ERC2: variants seen among roughly 807,000 people sequenced by gnomAD.
ERC2 encodes ERC protein 2.
Under a neutral mutation model 114.8 loss-of-function variants are expected in ERC2, and 42 were observed. That is an observed-to-expected ratio of 0.37 (90% CI 0.29 to 0.47). The LOEUF is 0.47. Among genes scored for constraint, ERC2 ranks in the 20% least tolerant of loss-of-function variants. ERC2 has a pLI of 0.99. For synonymous variants in ERC2, 454 were observed against 425.5 expected, an observed-to-expected ratio of 1.07 and a Z score of -0.82; for missense variants, 939 against 1,150.7, an observed-to-expected ratio of 0.82 and a Z score of 2.66.
chr3:55,967,961 G>C (rs1204288287), intron 12 of ERC2, among the ~76,000 whole-genome samples: 1 of 152,064 alleles, frequency 6.6e-6, no homozygotes, highest in East Asian at 1.9e-4. Flanking sequence ...CCATCCTATA[G>C]AAATGTGAGA....
At chr3:55,937,497 T>C (rs1280207083) in intron 13 of ERC2, among the ~76,000 whole-genome samples, 2 of 152,200 alleles carry the variant, frequency 1.3e-5, no homozygotes, top group Admixed American at 1.3e-4. Context: ...TGGTCACACA[T>C]GGGTTCCTAA....
chr3:55,920,579 T>C lies in ERC2; in HGVS notation c.2403+29846A>G, dbSNP rs558475709. Among the ~76,000 whole-genome samples, 17 of 152,224 alleles carry C rather than the reference T, an allele frequency of 1.1e-4. No individual in the cohort carries two copies. The East Asian group carries it at 1.7e-3, about 16-fold the overall frequency. ...ATTTCATGCATAATATTATGTAAGATTTAATCCATATCTTGTTATCTTAAT... is the reference window on the plus strand; with the variant it reads ...ATTTCATGCATAATATTATGTAAGACTTAATCCATATCTTGTTATCTTAAT... On this transcript the variant is annotated intron_variant, in intron 13 of 17. Transcript: ENST00000288221.
At chr3:55,814,227 G>C (rs2059825526) in intron 14 of ERC2, among the ~76,000 whole-genome samples, 1 of 152,146 alleles carries the variant, frequency 6.6e-6, no homozygotes, top group Non-Finnish European at 1.5e-5. Flanking sequence ...AGAAGATTTT[G>C]GTTCCTAGAC....
intron 6 of ERC2, among the ~76,000 whole-genome samples, chr3:56,099,727 A>G (rs1007667582): frequency 6.6e-6 from 1 of 152,190 alleles, no homozygotes; most frequent in South Asian, 2.1e-4. Context: ...AAAACAGGGA[A>G]TCTGTAGAAA....
intron 6 of ERC2, among the ~76,000 whole-genome samples, chr3:56,109,027 T>A (rs1179665687): frequency 1.3e-5 from 2 of 152,184 alleles, no homozygotes; most frequent in Admixed American, 1.3e-4. Context: ...TTTTTAAACT[T>A]TCATTTTAGA....
At chr3:55,727,293 A>T (rs2064981856) in intron 15 of ERC2, among the ~76,000 whole-genome samples, 2 of 152,222 alleles carry the variant, frequency 1.3e-5, no homozygotes, top group African/African-American at 2.4e-5. Context: ...TTCCCAATTG[A>T]GGCCCTCTCT....
intron 2 of ERC2, among the ~76,000 whole-genome samples, chr3:56,392,325 C>A (rs903010694): frequency 1.3e-5 from 2 of 152,168 alleles, no homozygotes; most frequent in Non-Finnish European, 2.9e-5. Context: ...GTTCTCCATT[C>A]TGAACCAAGT....
intron 15 of ERC2, among the ~76,000 whole-genome samples, chr3:55,717,196 C>T (rs982285908): frequency 6.6e-6 from 1 of 152,146 alleles, no homozygotes; most frequent in African/African-American, 2.4e-5. Context: ...CTTGAGACAG[C>T]CAGAAATAAC....
At chr3:56,461,984 G>A (rs2063337461) in intron 1 of ERC2, among the ~76,000 whole-genome samples, 1 of 152,308 alleles carries the variant, frequency 6.6e-6, no homozygotes, top group East Asian at 1.9e-4. Flanking sequence ...GGAAGGTCTA[G>A]AATGTTTAGC....
intron 5 of ERC2, among the ~76,000 whole-genome samples, chr3:56,147,970 T>C (rs949187592): frequency 2.0e-5 from 3 of 152,146 alleles, no homozygotes; most frequent in African/African-American, 7.2e-5. Context: ...ACAATAACAA[T>C]ATAAACTAAT....
At chr3:55,916,017 A>G (rs1383443007) in intron 13 of ERC2, among the ~76,000 whole-genome samples, 1 of 152,158 alleles carries the variant, frequency 6.6e-6, no homozygotes, top group Non-Finnish European at 1.5e-5. Flanking sequence ...GGCCATCCCA[A>G]CTCACACACA....
chr3:55,519,169 C>T (rs886366171), intron 17 of ERC2, among the ~76,000 whole-genome samples: 4 of 152,204 alleles, frequency 2.6e-5, no homozygotes, highest in African/African-American at 9.7e-5. Flanking sequence ...CTGTGGCTTT[C>T]ATCACAGAGA....
At chr3:55,858,103 A>G (rs2061868224) in intron 14 of ERC2, among the ~76,000 whole-genome samples, 2 of 152,232 alleles carry the variant, frequency 1.3e-5, no homozygotes, top group Non-Finnish European at 2.9e-5. Context: ...ATATACATGC[A>G]TACACACATA....
chr3:56,038,438 T>C lies in ERC2; in HGVS notation c.1642-19407A>G, dbSNP rs531774861. On this transcript the variant is annotated intron_variant, in intron 7 of 17. Transcript: ENST00000288221. The stretch of plus-strand genomic sequence containing the variant: ...ATTAAAAAAATCAAGAAACAACAGA[T>C]GCTGGTGAGGCTGTAAAGAAAGAGG... 1.9e-4 allele frequency among the ~76,000 whole-genome samples: 29 copies of C among 152,216 alleles called. No homozygotes were observed. The South Asian group carries it at 3.7e-3, about 20-fold the overall frequency.
intron 7 of ERC2, among the ~76,000 whole-genome samples, chr3:56,048,029 G>C (rs2075565280): frequency 6.6e-6 from 1 of 152,114 alleles, no homozygotes; most frequent in African/African-American, 2.4e-5. Flanking sequence ...ACCCCAAATG[G>C]GCTGCCTGGT....
intron 6 of ERC2, among the ~76,000 whole-genome samples, chr3:56,110,834 G>T (rs967940585): frequency 6.6e-6 from 1 of 152,124 alleles, no homozygotes; most frequent in South Asian, 2.1e-4. Context: ...GACTAATCTA[G>T]AATGAGAGCT....
intron 15 of ERC2, among the ~76,000 whole-genome samples, chr3:55,734,285 G>A (rs1275280339): frequency 6.6e-6 from 1 of 152,136 alleles, no homozygotes; most frequent in Non-Finnish European, 1.5e-5. Context: ...ATGCTCCTTG[G>A]CTGAAAGGTA....
intron 6 of ERC2, among the ~76,000 whole-genome samples, chr3:56,088,115 C>G (rs2077601451): frequency 6.6e-6 from 1 of 152,058 alleles, no homozygotes; most frequent in African/African-American, 2.4e-5. Flanking sequence ...ATACCACACT[C>G]CTTTTCTTCC....
chr3:55,733,542 T>TCTCTCA lies in ERC2; in HGVS notation c.2712+1228_2712+1229insTGAGAG, dbSNP rs377515133. Reference sequence around the variant, plus strand: ...CTGTCTCTCATTCTTTCTCTCTCTCTCACACACACACACACACACACACAC... The same window carrying TCTCTCA: ...CTGTCTCTCATTCTTTCTCTCTCTCTCTCTCACACACACACACACACACACACACAC... On this transcript the variant is annotated intron_variant, in intron 15 of 17. Transcript: ENST00000288221. Among the ~76,000 whole-genome samples, 20 of 107,888 alleles carry TCTCTCA rather than the reference T, an allele frequency of 1.9e-4. 1 individual carries two copies. Among genetic ancestry groups the TCTCTCA allele is most frequent in the African/African-American group, 6.6e-4 (18 of 27,396 alleles). 70.8% of individuals were successfully genotyped at this position (107,888 alleles called of 152,430 possible).
Sources: gnomAD v4.1 joint callset for allele counts (sites outside exome capture counted in the v4.1 genomes callset) on GRCh38, gnomAD v4.1.1 for gene constraint, MANE v1.5 for transcripts, NCBI Gene and HGNC (gene_info 2026-07-23, HGNC 2026-07-21) for gene names.